The following KIAA1549 variants were observed in gnomAD, a reference collection of about 807,000 sequenced individuals.
KIAA1549 encodes UPF0606 protein KIAA1549.
In KIAA1549, 70 loss-of-function variants were observed where a neutral mutation model predicts 156.4. The ratio of observed to expected loss-of-function variants is 0.45; its 90% confidence interval spans 0.37 to 0.55. The LOEUF (loss-of-function observed/expected upper bound fraction) is 0.55. Among genes scored for constraint, KIAA1549 ranks in the 20% least tolerant of loss-of-function variants. The pLI is 0.00. For missense variants in KIAA1549, 2,428 were observed against 2,540.9 expected (o/e 0.96, Z 0.96); for synonymous variants, 1,103 against 1,066.4 (o/e 1.03, Z -0.67).
chr7:138,839,745 C>G lies in KIAA1549; in HGVS notation c.5598+388G>C, dbSNP rs560835672. 1.2e-3 allele frequency among the ~76,000 whole-genome samples: 174 copies of G among 146,206 alleles called. 2 individuals are homozygous for G. Among genetic ancestry groups the G allele is most frequent in the African/African-American group, 4.0e-3 (161 of 40,364 alleles). On this transcript the variant is annotated intron_variant, in intron 19 of 19. Coordinates refer to ENST00000422774, the MANE Select transcript of KIAA1549 (RefSeq NM_001164665.2). ...GTAGGTTTTAAAAAGGGACCCCCCC[C>G]AAAGCAGAAGCTGCTAAATTGAGGG...
At position 138,837,862 on chromosome 7, in the gene KIAA1549, T is replaced by C. The variant is rs866479007; in HGVS notation, c.*44A>G. ...CAGTTGATTTCCTTTTGGTCTTGCTTCCACAGGAAGCGGATACTTGGCAAA... is the reference window on the plus strand; with the variant it reads ...CAGTTGATTTCCTTTTGGTCTTGCTCCCACAGGAAGCGGATACTTGGCAAA... On this transcript the variant is annotated 3_prime_UTR_variant, in exon 20 of 20. Transcript: ENST00000422774. The C allele has an allele frequency of 6.3e-6, 10 of 1,593,434 alleles. No homozygotes were observed. Among genetic ancestry groups the C allele is most frequent in the Middle Eastern group, 2.1e-4 (1 of 4,866 alleles).
At chr7:138,864,262 C>T (rs558020939) in intron 15 of KIAA1549, among the ~76,000 whole-genome samples, 11 of 152,292 alleles carry the variant, frequency 7.2e-5, no homozygotes, top group Admixed American at 2.6e-4. Flanking sequence ...GAGTCCCCAG[C>T]GGCTATAACC....
intron 1 of KIAA1549, among the ~76,000 whole-genome samples, chr7:138,970,478 C>T (rs1481190138): frequency 6.6e-6 from 1 of 152,158 alleles, no homozygotes; most frequent in Non-Finnish European, 1.5e-5. Flanking sequence ...CATTTTTATG[C>T]GCTATGGACT....
chr7:138,960,151 T>G (rs1031009947), intron 1 of KIAA1549, among the ~76,000 whole-genome samples: 2 of 151,948 alleles, frequency 1.3e-5, no homozygotes, highest in Non-Finnish European at 2.9e-5. Context: ...AAAATATACA[T>G]GAGGCTGGGC....
chr7:138,918,355 C>CA lies in KIAA1549; in HGVS notation c.1270dup (p.Cys424LeufsTer43). On this transcript the variant is annotated frameshift_variant, in exon 2 of 20. Transcript: ENST00000422774. LOFTEE classifies it high-confidence loss of function. This position sits in a 1 kb window ranked among gnomAD's most constrained non-coding sequence, Gnocchi z 4.2. ...AACTTGCTGAGGTGAAGGCACAGTG[C>CA]AGGCCGCACACCAAGTGTATGGTCT... is the stretch of plus-strand genomic sequence containing the variant. The CA allele has an allele frequency of 6.2e-7, 1 of 1,613,998 alleles. No homozygotes were observed. Among genetic ancestry groups the CA allele is most frequent in the Non-Finnish European group, 8.5e-7 (1 of 1,179,894 alleles).
intron 1 of KIAA1549, among the ~76,000 whole-genome samples, chr7:138,957,660 T>C (rs1283910932): frequency 1.3e-5 from 2 of 152,056 alleles, no homozygotes; most frequent in South Asian, 2.1e-4. Context: ...GTATTTTTAG[T>C]AGAGACAGGG....
Position 138,861,297 on chromosome 7 carries a change from G to A in KIAA1549, c.5089C>T (p.Leu1697Phe). 1 of 1,608,806 alleles carries A rather than the reference G, an allele frequency of 6.2e-7. No homozygotes were observed. The highest frequency in any genetic ancestry group is 8.5e-7 in the Non-Finnish European group (1 of 1,178,264). The part of the protein sequence containing the change: ...MHSLLDDAFA[L>F]VAPSSQPAST... ...GCAGGCTGGCTGCTGGGGGCCACGAGGGCAAAGGCGTCGTCCAGGAGGGAG... is the reference window on the plus strand; with the variant it reads ...GCAGGCTGGCTGCTGGGGGCCACGAAGGCAAAGGCGTCGTCCAGGAGGGAG... Residue 1697 changes from leucine to phenylalanine, a missense_variant, in exon 16 of 20, where the codon CTC becomes TTC. Leu to Phe is a conservative substitution (Grantham distance 22, BLOSUM62 0). Transcript: ENST00000422774.
Position 138,918,263 on chromosome 7 carries a change from C to T in KIAA1549, c.1363G>A (p.Val455Met), listed in dbSNP as rs778018617. 1.3e-5 allele frequency: 21 copies of T among 1,613,878 alleles called. No individual in the cohort carries two copies. The highest frequency in any genetic ancestry group is 6.7e-5 in the African/African-American group (5 of 74,910). The change falls in exon 2 of 20, where the codon GTG (valine) becomes ATG (methionine). Residue 455 changes from valine to methionine, a missense_variant. Physicochemically the swap from Val to Met is conservative, Grantham distance 21 (BLOSUM62 1). Coordinates refer to ENST00000422774, the MANE Select transcript of KIAA1549 (RefSeq NM_001164665.2). This position sits in a 1 kb window ranked among gnomAD's most constrained non-coding sequence, Gnocchi z 4.2. ...GDGAETLCMTVLEESSISLMS... is the reference protein window; with the variant it reads ...GDGAETLCMTMLEESSISLMS... ...AGAGAGATGCTGCTTTCTTCCAGCA[C>T]GGTCATGCACAGAGTCTCGGCACCA... is the stretch of plus-strand genomic sequence containing the variant.
At chr7:138,847,249 G>T (rs1810105163) in intron 17 of KIAA1549, among the ~76,000 whole-genome samples, 1 of 152,136 alleles carries the variant, frequency 6.6e-6, no homozygotes, top group South Asian at 2.1e-4. Flanking sequence ...ACTTCTGAGG[G>T]TAAAAGCTAT....
chr7:138,956,983 A>G (rs1187340512), intron 1 of KIAA1549, among the ~76,000 whole-genome samples: 3 of 152,158 alleles, frequency 2.0e-5, no homozygotes, highest in Admixed American at 1.3e-4. Flanking sequence ...CAGTGGTCAG[A>G]GTTATAATAG....
intron 1 of KIAA1549, among the ~76,000 whole-genome samples, chr7:138,962,987 A>G (rs983391189): frequency 1.3e-5 from 2 of 152,230 alleles, no homozygotes; most frequent in Non-Finnish European, 2.9e-5. Context: ...GCCACTGGAT[A>G]GTCACTTACG....
At chr7:138,962,883 CA>C (rs1813895730) in intron 1 of KIAA1549, among the ~76,000 whole-genome samples, 1 of 152,218 alleles carries the variant, frequency 6.6e-6, no homozygotes, top group African/African-American at 2.4e-5. Flanking sequence ...TATCCATCTT[CA>C]AACATCCCCC....
rs1227727542 is a variant in KIAA1549 at position 138,837,856 on chromosome 7, C to A, written c.*50G>T. The A allele has an allele frequency of 4.4e-6, 7 of 1,582,274 alleles. No homozygotes were observed. Among genetic ancestry groups the A allele is most frequent in the Non-Finnish European group, 6.0e-6 (7 of 1,163,664 alleles). ...CCCACTCAGTTGATTTCCTTTTGGT[C>A]TTGCTTCCACAGGAAGCGGATACTT... On this transcript the variant is annotated 3_prime_UTR_variant, in exon 20 of 20. Coordinates refer to ENST00000422774, the MANE Select transcript of KIAA1549 (RefSeq NM_001164665.2).
At chr7:138,976,536 A>T (rs1814385020) in intron 1 of KIAA1549, among the ~76,000 whole-genome samples, 1 of 152,188 alleles carries the variant, frequency 6.6e-6, no homozygotes, top group South Asian at 2.1e-4. Flanking sequence ...ACGTTTTATT[A>T]CAGTAGACTG....
intron 1 of KIAA1549, among the ~76,000 whole-genome samples, chr7:138,923,556 T>A (rs564208050): frequency 3.6e-4 from 54 of 151,558 alleles, no homozygotes; most frequent in Non-Finnish European, 7.4e-4. Context: ...GCTGAGATCA[T>A]GCCATTGCAC....
rs2130450710 is a variant in KIAA1549, at chr7:138,903,651, C to T, written c.3606G>A (p.Glu1202=). 1 of 1,613,308 alleles carries T rather than the reference C, an allele frequency of 6.2e-7. No individual in the cohort carries two copies. The highest frequency in any genetic ancestry group is 1.3e-5 in the African/African-American group (1 of 75,018). ...TCCACATCCGCCTTCTGGTGGAAACCTCGCTGAGCAGCTGGGCCAGCTTGC... is the reference window on the plus strand; with the variant it reads ...TCCACATCCGCCTTCTGGTGGAAACTTCGCTGAGCAGCTGGGCCAGCTTGC... The part of the protein sequence containing the change: ...MERKLAQLLS[E]VSTRRRMWRR... The change falls in exon 8 of 20, where the codon GAG becomes GAA. Residue 1202 remains glutamate (E), a synonymous_variant. Transcript: ENST00000422774.
rs761135232 is a variant in KIAA1549 at position 138,837,933 on chromosome 7, C to G, written c.5826G>C (p.Gln1942His). The stretch of plus-strand genomic sequence containing the variant: ...AGCTGTGGAAGTTCTGCACGGTGCT[C>G]TGTTTCTGGGAGAGCCGGAGGAGCT... The part of the protein sequence containing the change: ...REELLRLSQK[Q>H]STVQNFHS The change falls in exon 20 of 20, where the codon CAG becomes CAC. Residue 1942 changes from glutamine to histidine, a missense_variant. By Grantham distance (24) the Gln-to-His change is conservative. Coordinates refer to ENST00000422774, the MANE Select transcript of KIAA1549 (RefSeq NM_001164665.2). 6.2e-6 allele frequency: 10 copies of G among 1,613,746 alleles called. No homozygotes were observed. In the East Asian group the frequency reaches 2.0e-4, roughly 32 times the overall value.
In KIAA1549 at chr7:138,943,282, C is replaced by A. The variant is rs546643598; in HGVS notation, c.188-23844G>T. ...CATCTCCATTTTACAGCAGGGCAGG[C>A]AGCACAGAGAGGTCTGGTTTGCCCA... On this transcript the variant is annotated intron_variant, in intron 1 of 19. Transcript: ENST00000422774. Among the ~76,000 whole-genome samples, 6 of 152,294 alleles carry A rather than the reference C, an allele frequency of 3.9e-5. No homozygotes were observed. The South Asian group carries it at 1.2e-3, about 32-fold the overall frequency.
chr7:138,836,499 C>T lies in KIAA1549; in HGVS notation c.*1407G>A, dbSNP rs779987411. The T allele has an allele frequency of 8.9e-5, 19 of 214,434 alleles. No homozygotes were observed. Among genetic ancestry groups the T allele is most frequent in the Middle Eastern group, 1.4e-3 (1 of 706 alleles). 13.3% of individuals were successfully genotyped at this position (214,434 alleles called of 1,614,324 possible). ...TCATTAAGCGATGCATGACTGTCTT[C>T]GCTGATCTAATAAAAACAGGTTAAT... On this transcript the variant is annotated 3_prime_UTR_variant, in exon 20 of 20. Coordinates refer to ENST00000422774, the MANE Select transcript of KIAA1549 (RefSeq NM_001164665.2).
Sources: gnomAD v4.1 joint callset for allele counts (sites outside exome capture counted in the v4.1 genomes callset) on GRCh38, gnomAD v4.1.1 for gene constraint, Gnocchi (gnomAD v3.1) non-coding constraint, MANE v1.5 for transcripts, NCBI Gene and HGNC (gene_info 2026-07-23, HGNC 2026-07-21) for gene names.